The following SH3KBP1 variants were observed in gnomAD, a reference collection of about 807,000 sequenced individuals.
SH3KBP1 encodes the protein SH3 domain containing kinase binding protein 1.
In SH3KBP1, 8 loss-of-function variants were observed where a neutral mutation model predicts 50.1. The ratio of observed to expected loss-of-function variants is 0.16; its 90% CI spans 0.09 to 0.29. The LOEUF (loss-of-function observed/expected upper bound fraction) is 0.29. SH3KBP1 is among the 10% of genes least tolerant of loss of function. SH3KBP1 has a pLI of 1.00. For missense variants in SH3KBP1, 377 were observed against 535.2 expected (o/e 0.70, Z 2.92); for synonymous variants, 227 against 218.6 (o/e 1.04, Z -0.34).
intron 3 of SH3KBP1, among the ~76,000 whole-genome samples, chrX:19,724,128 C>A (rs1356128747): frequency 9.0e-6 from 1 of 111,128 alleles, no homozygotes; most frequent in African/African-American, 3.3e-5. Flanking sequence ...TACCTTTCCT[C>A]CCCCTCTCAG....
In SH3KBP1 at chrX:19,837,655, G is replaced by C. The variant is rs890067396; in HGVS notation, c.5-1373C>G. On this transcript the variant is annotated intron_variant, in intron 1 of 17. Transcript: ENST00000397821. ...GGGGTTTCACCATGTTGGCCAGGCTGGTCTTGAACTCCTGACCTCAGATGA... is the reference window on the plus strand; with the variant it reads ...GGGGTTTCACCATGTTGGCCAGGCTCGTCTTGAACTCCTGACCTCAGATGA... Among the ~76,000 whole-genome samples the C allele has an allele frequency of 1.1e-4, 12 of 109,020 alleles. No individual in the cohort carries two copies. The South Asian group carries it at 3.6e-3, about 32-fold the overall frequency. 94.7% of individuals were successfully genotyped at this position (109,020 alleles called of 115,157 possible).
intron 13 of SH3KBP1, among the ~76,000 whole-genome samples, chrX:19,554,548 C>T (rs1315746337): frequency 9.3e-6 from 1 of 107,503 alleles, no homozygotes; most frequent in Non-Finnish European, 1.9e-5. Context: ...ATTACAGGCA[C>T]GCGCCACCAC....
intron 4 of SH3KBP1, among the ~76,000 whole-genome samples, chrX:19,699,473 G>A (rs1356188697): frequency 2.7e-5 from 3 of 111,929 alleles, no homozygotes; most frequent in Non-Finnish European, 5.6e-5. Flanking sequence ...AACCCAGTCA[G>A]CTCTGGAGCC....
At chrX:19,621,100 A>C (rs1395869928) in intron 8 of SH3KBP1, among the ~76,000 whole-genome samples, 1 of 77,980 alleles carries the variant, frequency 1.3e-5, no homozygotes, top group Non-Finnish European at 2.3e-5. Context: ...TTTGAGACGG[A>C]ATCTTGCTCT....
In SH3KBP1 at chrX:19,869,587, G is replaced by A. The variant is rs764442495; in HGVS notation, c.4+17720C>T. The stretch of plus-strand genomic sequence containing the variant: ...CCAGTCCAGTGGTCAGGAGGCAGTA[G>A]CCTGAGAAGGAAACAGCTATGCTGT... On this transcript the variant is annotated intron_variant, in intron 1 of 17. Transcript: ENST00000397821. 3.6e-5 allele frequency among the ~76,000 whole-genome samples: 4 copies of A among 112,570 alleles called. No individual in the cohort carries two copies. In the East Asian group the frequency reaches 1.1e-3, roughly 31 times the overall value.
At chrX:19,834,438 G>A (rs1485965262) in intron 2 of SH3KBP1, among the ~76,000 whole-genome samples, 1 of 112,295 alleles carries the variant, frequency 8.9e-6, no homozygotes, top group Admixed American at 9.4e-5. Context: ...CCATTCTTCT[G>A]AGAACAATCC....
At chrX:19,628,773 TCCAAAAAAAC>T (rs1226378080) in intron 8 of SH3KBP1, among the ~76,000 whole-genome samples, 1 of 111,271 alleles carries the variant, frequency 9.0e-6, no homozygotes, top group Non-Finnish European at 1.9e-5. Flanking sequence ...TGATTAGCTA[TCCAAAAAAAC>T]CCAGCAAACT....
intron 6 of SH3KBP1, among the ~76,000 whole-genome samples, chrX:19,674,698 T>C (rs987930747): frequency 1.8e-5 from 2 of 112,316 alleles, no homozygotes; most frequent in African/African-American, 6.5e-5. Context: ...TGGCTGACAT[T>C]TAAGACTTGG....
intron 3 of SH3KBP1, among the ~76,000 whole-genome samples, chrX:19,739,074 T>G (rs1184414153): frequency 9.8e-6 from 1 of 102,373 alleles, no homozygotes; most frequent in Non-Finnish European, 2.0e-5. Context: ...AGTTTGGAAC[T>G]CTGAATGCAT....
intron 3 of SH3KBP1, among the ~76,000 whole-genome samples, chrX:19,712,845 C>T (rs1216022363): frequency 1.8e-5 from 2 of 111,616 alleles, no homozygotes; most frequent in Non-Finnish European, 3.8e-5. Context: ...TATAACATCA[C>T]CTATAGAATA....
At chrX:19,720,814 A>G (rs1195702717) in intron 3 of SH3KBP1, among the ~76,000 whole-genome samples, 5 of 111,510 alleles carry the variant, frequency 4.5e-5, no homozygotes, top group Admixed American at 3.8e-4. Context: ...AGAAAATCCT[A>G]AAGACCTTCA....
At chrX:19,586,876 C>T (rs1169359218) in intron 12 of SH3KBP1, among the ~76,000 whole-genome samples, 1 of 111,869 alleles carries the variant, frequency 8.9e-6, no homozygotes, top group Non-Finnish European at 1.9e-5. Flanking sequence ...AGCCATACTA[C>T]AATACAGATG....
chrX:19,601,867 C>T (rs1379550271), intron 9 of SH3KBP1, among the ~76,000 whole-genome samples: 1 of 111,357 alleles, frequency 9.0e-6, no homozygotes, highest in Non-Finnish European at 1.9e-5. Context: ...TGCCCTGTCA[C>T]CCGCACTGGA....
At chrX:19,623,029 T>G (rs2067890325) in intron 8 of SH3KBP1, among the ~76,000 whole-genome samples, 1 of 71,588 alleles carries the variant, frequency 1.4e-5, no homozygotes, top group African/African-American at 6.1e-5. Flanking sequence ...GGCAAAAGAG[T>G]GACACTCTGA....
At chrX:19,823,226 TA>T (rs2147347160) in intron 2 of SH3KBP1, among the ~76,000 whole-genome samples, 1 of 111,649 alleles carries the variant, frequency 9.0e-6, no homozygotes, top group African/African-American at 3.3e-5. Flanking sequence ...ATGGGTTATC[TA>T]AAACGACACC....
rs764905366 is a variant in SH3KBP1, at chrX:19,560,267, T to C, written c.1384+8836A>G. Among the ~76,000 whole-genome samples the C allele has an allele frequency of 5.5e-3, 600 of 108,691 alleles. 6 individuals carry two copies. Among genetic ancestry groups the C allele is most frequent in the Non-Finnish European group, 7.7e-3 (407 of 52,575 alleles). The allele number at this position is 108,691 out of a possible 115,157, so 94.4% of individuals were successfully genotyped here. ...ATCTTATAAAGGGCCAAATTATCAA[T>C]TCTAGATTAAAAGAACTGACAGAAC... On this transcript the variant is annotated intron_variant, in intron 13 of 17. Coordinates refer to ENST00000397821, the MANE Select transcript of SH3KBP1 (RefSeq NM_031892.3).
chrX:19,854,887 C>T (rs1485500921), intron 1 of SH3KBP1, among the ~76,000 whole-genome samples: 2 of 112,129 alleles, frequency 1.8e-5, no homozygotes, highest in African/African-American at 6.5e-5. Flanking sequence ...GACTTACTAA[C>T]TATAGCGTTC....
rs1478442520 is a variant in SH3KBP1 at position 19,542,018 on chromosome X, T to C, written c.1799A>G (p.Glu600Gly). The change falls in exon 16 of 18, where the codon GAG becomes GGG. Residue 600 changes from glutamate to glycine, a missense_variant. This residue lies in a region of SH3KBP1 where 110 missense variants were observed against 124.1 expected (regional missense o/e 0.89). Coordinates refer to ENST00000397821, the MANE Select transcript of SH3KBP1 (RefSeq NM_031892.3). ...GGCCGCCTGGCTGCTGGCCGCAGGC[T>C]CCATCTTTGGTTTTCCTTCCGTGCC... ...LFGTEGKPKMEPAASSQAAVE... is the reference protein window; with the variant it reads ...LFGTEGKPKMGPAASSQAAVE... 2 of 1,210,247 alleles carry C rather than the reference T, an allele frequency of 1.7e-6. No individual in the cohort carries two copies. Among genetic ancestry groups the C allele is most frequent in the East Asian group, 5.9e-5 (2 of 33,744 alleles).
chrX:19,873,300 A>G lies in SH3KBP1; in HGVS notation c.4+14007T>C, dbSNP rs1165405179. On this transcript the variant is annotated intron_variant, in intron 1 of 17. Transcript: ENST00000397821. ...TATATATATATATATGTATATATAT[A>G]TATATATATATACATATACATATAT... 3.9e-5 allele frequency among the ~76,000 whole-genome samples: 4 copies of G among 101,393 alleles called. No homozygotes were observed. The East Asian group carries it at 1.2e-3, about 30-fold the overall frequency. The allele number at this position is 101,393 out of a possible 115,157, so 88.0% of individuals were successfully genotyped here.
Sources: allele counts gnomAD v4.1 joint callset (sites outside exome capture counted in the v4.1 genomes callset), GRCh38; gene constraint gnomAD v4.1.1; regional missense constraint gnomAD v4.1.1; transcripts MANE v1.5; gene names NCBI Gene and HGNC (gene_info 2026-07-23, HGNC 2026-07-21).